Variants in NCR2 observed in about 807,000 individuals in gnomAD.
The protein encoded by NCR2 is NK cell activating receptor (NKp44).
Under a neutral mutation model 30.7 loss-of-function variants are expected in NCR2, and 35 were observed. That is an observed-to-expected ratio of 1.14 (90% CI 0.87 to 1.51). The LOEUF (loss-of-function observed/expected upper bound fraction) is 1.51, where lower values mean the gene tolerates loss of function less well. NCR2 is among the 40% of genes most tolerant of loss of function. The probability of loss-of-function intolerance (pLI) is 0.00; values close to 1 mark genes in which losing one functional copy is unlikely to be tolerated. For missense variants in NCR2, 316 were observed against 328.9 expected (o/e 0.96, Z 0.30); for synonymous variants, 146 against 134.8 (o/e 1.08, Z -0.58).
intron 4 of NCR2, among the ~76,000 whole-genome samples, chr6:41,349,303 A>G (rs1038984298): frequency 3.9e-5 from 6 of 151,922 alleles, no homozygotes; most frequent in Non-Finnish European, 5.9e-5. Flanking sequence ...TTTTGTTCTC[A>G]TATTTGGTCT....
At chr6:41,339,324 A>T (rs1485864285) in intron 2 of NCR2, among the ~76,000 whole-genome samples, 1 of 152,002 alleles carries the variant, frequency 6.6e-6, no homozygotes, top group Non-Finnish European at 1.5e-5. Context: ...GGCCTCCCAA[A>T]GTGCTGGGAT....
chr6:41,349,740 A>T (rs910322355), intron 4 of NCR2, among the ~76,000 whole-genome samples: 3 of 152,098 alleles, frequency 2.0e-5, no homozygotes, highest in African/African-American at 7.2e-5. Flanking sequence ...TTCCTACTAA[A>T]CACACAACTT....
rs9471577 is a variant in NCR2, at chr6:41,336,257, A to G, written c.223A>G (p.Met75Val). Reference protein sequence around the residue: ...RLVTSSKPRTMAWTSRFTIWD... With the variant: ...RLVTSSKPRTVAWTSRFTIWD... The stretch of plus-strand genomic sequence containing the variant: ...AGTCACCAGCTCCAAGCCCAGGACG[A>G]TGGCTTGGACCTCTCGATTCACAAT... The change falls in exon 2 of 5, where the codon ATG (methionine) becomes GTG (valine). Residue 75 changes from methionine (M) to valine (V), a missense_variant. Coordinates refer to ENST00000373089, the MANE Select transcript of NCR2 (RefSeq NM_004828.4). 0.087 allele frequency: 140,090 copies of G among 1,614,002 alleles called. 8,692 individuals are homozygous for G. The highest frequency in any genetic ancestry group is 0.33 in the East Asian group (14,728 of 44,854).
At chr6:41,336,977 A>AT (rs1342291119) in intron 2 of NCR2, among the ~76,000 whole-genome samples, 1 of 152,240 alleles carries the variant, frequency 6.6e-6, no homozygotes, top group African/African-American at 2.4e-5. Context: ...GAACACAGCC[A>AT]TGCCCACTCA....
At chr6:41,349,698 C>A (rs57370824) in intron 4 of NCR2, among the ~76,000 whole-genome samples, 4,006 of 152,246 alleles carry the variant, frequency 0.026, 167 homozygotes, top group African/African-American at 0.087. Flanking sequence ...TCCTGCCCTC[C>A]AGCCCTTCCA....
rs760055102 is a variant in NCR2 at position 41,335,897 on chromosome 6, C to G, written c.21C>G (p.His7Gln). The change falls in exon 1 of 5, where the codon CAC becomes CAG. Residue 7 changes from histidine (H) to glutamine (Q), a missense_variant. Transcript: ENST00000373089. MAWRAL[H>Q]PLLLLLLLFP... ...ACCACATGGCCTGGCGAGCCCTACA[C>G]CCACTGCTACTGCTGCTGCTGCTGT... The G allele has an allele frequency of 1.3e-6, 2 of 1,570,802 alleles. No homozygotes were observed. The highest frequency in any genetic ancestry group is 1.7e-6 in the Non-Finnish European group (2 of 1,157,358).
At chr6:41,339,121 G>C (rs987956324) in intron 2 of NCR2, among the ~76,000 whole-genome samples, 4 of 152,192 alleles carry the variant, frequency 2.6e-5, no homozygotes, top group Admixed American at 2.0e-4. Flanking sequence ...GAGTGCAGTG[G>C]TGCAATCTCG....
At chr6:41,340,563 A>G (rs1396221359) in intron 2 of NCR2, among the ~76,000 whole-genome samples, 1 of 152,196 alleles carries the variant, frequency 6.6e-6, no homozygotes, top group East Asian at 1.9e-4. Flanking sequence ...CTAATTTGAC[A>G]ACACCCAAGC....
At chr6:41,349,352 C>G (rs1769378675) in intron 4 of NCR2, among the ~76,000 whole-genome samples, 1 of 152,118 alleles carries the variant, frequency 6.6e-6, no homozygotes, top group Non-Finnish European at 1.5e-5. Flanking sequence ...TAAGACCTTT[C>G]TAATCTCCTG....
In NCR2 at chr6:41,342,056, G is replaced by T. The variant is rs761094418; in HGVS notation, c.551G>T (p.Arg184Leu). The T allele has an allele frequency of 6.2e-7, 1 of 1,613,788 alleles. No homozygotes were observed. The highest frequency in any genetic ancestry group is 8.5e-7 in the Non-Finnish European group (1 of 1,179,994). ...TCCAGGCCACAGAACTCCACGCTCC[G>T]CCCTGGCCCTGCAGCCCCCATTGCC... ...VPSQPQNSTL[R>L]PGPAAPIALV... The change falls in exon 4 of 5, where the codon CGC becomes CTC. Residue 184 changes from arginine to leucine, a missense_variant. Physicochemically the swap from Arg to Leu is moderately radical, Grantham distance 102. Transcript: ENST00000373089.
At position 41,336,161 on chromosome 6, in the gene NCR2, C is replaced by A. The variant is rs778415483; in HGVS notation, c.127C>A (p.Pro43Thr). ...GQTLTVRCQY[P>T]PTGSLYEKKG... ...GACGCTAACCGTGAGATGCCAGTAC[C>A]CGCCCACGGGCAGTCTCTACGAGAA... Residue 43 changes from proline to threonine, a missense_variant, in exon 2 of 5, where the codon CCG (proline) becomes ACG (threonine). By Grantham distance (38) the Pro-to-Thr change is conservative. Coordinates refer to ENST00000373089, the MANE Select transcript of NCR2 (RefSeq NM_004828.4). 1 of 1,614,164 alleles carries A rather than the reference C, an allele frequency of 6.2e-7. No homozygotes were observed. The highest frequency in any genetic ancestry group is 1.1e-5 in the South Asian group (1 of 91,086).
chr6:41,338,406 T>C (rs767358745), intron 2 of NCR2, among the ~76,000 whole-genome samples: 1 of 152,174 alleles, frequency 6.6e-6, no homozygotes, highest in South Asian at 2.1e-4. Flanking sequence ...TTTTTTTTCA[T>C]AGTAAAACTC....
At chr6:41,343,122 C>A in intron 4 of NCR2, 1 of 1,108,408 alleles carries the variant, frequency 9.0e-7, no homozygotes, top group Non-Finnish European at 1.3e-6. Context: ...GGACTTGATC[C>A]AAGGCCTTTA....
intron 4 of NCR2, among the ~76,000 whole-genome samples, chr6:41,343,325 C>T (rs1045948321): frequency 3.3e-5 from 5 of 152,182 alleles, no homozygotes; most frequent in African/African-American, 1.2e-4. Context: ...AAAAGAAAAA[C>T]GTGAGGCCTG....
At position 41,335,692 on chromosome 6, in the gene NCR2, C is replaced by T. The variant is rs1769000742; in HGVS notation, c.-185C>T. ...CCAGACTCACCTACAGCTGGAGATC[C>T]CCACTTCCCTGTGCCCACAGAATCT... On this transcript the variant is annotated 5_prime_UTR_variant, in exon 1 of 5. Coordinates refer to ENST00000373089, the MANE Select transcript of NCR2 (RefSeq NM_004828.4). 4 of 675,530 alleles carry T rather than the reference C, an allele frequency of 5.9e-6. No homozygotes were observed. The highest frequency in any genetic ancestry group is 1.0e-5 in the Non-Finnish European group (4 of 382,612). 41.8% of individuals were successfully genotyped at this position (675,530 alleles called of 1,614,324 possible).
At chr6:41,340,802 G>C (rs1254167548) in intron 2 of NCR2, among the ~76,000 whole-genome samples, 1 of 152,100 alleles carries the variant, frequency 6.6e-6, no homozygotes, top group Non-Finnish European at 1.5e-5. Context: ...ACCTCTCCCA[G>C]GCTGAGCACA....
chr6:41,341,688 T>C, intron 2 of NCR2, 106 bp from the exon 3 acceptor site: 11 of 1,383,874 alleles, frequency 7.9e-6, no homozygotes, highest in Non-Finnish European at 1.1e-5. Flanking sequence ...TCTGGGCGCA[T>C]GGGCTCTGTT....
chr6:41,348,598 C>T (rs548797483), intron 4 of NCR2, among the ~76,000 whole-genome samples: 2 of 152,182 alleles, frequency 1.3e-5, no homozygotes, highest in African/African-American at 2.4e-5. Context: ...CCTCTGTGCT[C>T]GAGTATGTCT....
At chr6:41,341,428 G>A (rs372694047) in intron 2 of NCR2, among the ~76,000 whole-genome samples, 1 of 152,164 alleles carries the variant, frequency 6.6e-6, no homozygotes, top group African/African-American at 2.4e-5. Context: ...CCAAGTCCCA[G>A]AGGCATGAGA....
Sources: gnomAD v4.1 joint callset for allele counts (sites outside exome capture counted in the v4.1 genomes callset) on GRCh38, gnomAD v4.1.1 for gene constraint, MANE v1.5 for transcripts, NCBI Gene and HGNC (gene_info 2026-07-23, HGNC 2026-07-21) for gene names.